The following WIPI1 variants were observed in gnomAD, a reference collection of about 807,000 sequenced individuals.
WIPI1 encodes the protein WD repeat domain phosphoinositide-interacting protein 1.
A neutral mutation model predicts 55.3 loss-of-function variants in WIPI1; 45 were observed. The ratio of observed to expected loss-of-function variants is 0.81; its 90% CI spans 0.64 to 1.04. WIPI1 has a LOEUF of 1.04. Ranked by LOEUF, WIPI1 falls within the 50% of genes least tolerant of loss-of-function variation. WIPI1 has a pLI of 0.00. For missense variants in WIPI1, 445 were observed against 559.0 expected, an observed-to-expected ratio of 0.80 and a Z score of 2.06; for synonymous variants, 195 against 217.6, an observed-to-expected ratio of 0.90 and a Z score of 0.92.
At chr17:68,441,530 C>T (rs899541515) in intron 4 of WIPI1, among the ~76,000 whole-genome samples, 8 of 152,220 alleles carry the variant, frequency 5.3e-5, no homozygotes, top group African/African-American at 1.9e-4. Flanking sequence ...GATAAGGCGA[C>T]TCCTGGCCTC....
intron 2 of WIPI1, 111 bp from the exon 3 acceptor site, chr17:68,451,008 C>A: frequency 7.1e-7 from 1 of 1,416,176 alleles, no homozygotes; most frequent in Non-Finnish European, 9.4e-7. Flanking sequence ...TTCTCCGGGT[C>A]TTGCCGGCCA....
intron 6 of WIPI1, 113 bp from the exon 7 acceptor site, chr17:68,434,739 G>T: frequency 9.6e-7 from 1 of 1,042,458 alleles, no homozygotes; most frequent in Non-Finnish European, 1.4e-6. Flanking sequence ...TGAGGAGGAA[G>T]AACACCACGT....
chr17:68,429,073 G>T, intron 9 of WIPI1, 137 bp from the exon 10 acceptor site: 1 of 650,188 alleles, frequency 1.5e-6, no homozygotes. Context: ...GATCTGGTCT[G>T]GGCTTCTGGC....
At chr17:68,456,270 C>T (rs969940623) in intron 1 of WIPI1, among the ~76,000 whole-genome samples, 10 of 152,198 alleles carry the variant, frequency 6.6e-5, no homozygotes, top group Admixed American at 5.9e-4. Context: ...TGTTTTTAAA[C>T]AGAAACATAA....
chr17:68,429,355 ACTC>A (rs999881115), intron 9 of WIPI1, among the ~76,000 whole-genome samples: 2 of 152,220 alleles, frequency 1.3e-5, no homozygotes, highest in African/African-American at 2.4e-5. Context: ...TTTTGAATAA[ACTC>A]CTTTAAACTT....
chr17:68,436,376 A>G lies in WIPI1; in HGVS notation c.528+6T>C, dbSNP rs996302624. The stretch of plus-strand genomic sequence containing the variant: ...GGTTGGCTCAGCCAGGTCACCGTCA[A>G]CTTACCAGGGAGTTTCCATCATAAA... On this transcript the variant is annotated splice_donor_region_variant and intron_variant, in intron 5 of 12. Transcript: ENST00000262139. 4 of 1,613,414 alleles carry G rather than the reference A, an allele frequency of 2.5e-6. No homozygotes were observed. In the African/African-American group the frequency reaches 5.3e-5, roughly 22 times the overall value.
intron 8 of WIPI1, 137 bp downstream of exon 8, chr17:68,433,331 C>G: frequency 1.2e-6 from 1 of 837,128 alleles, no homozygotes; most frequent in East Asian, 2.6e-5. Context: ...CTAACACACA[C>G]TCCATCACTT....
chr17:68,421,532 A>C lies in WIPI1; in HGVS notation c.*241T>G, dbSNP rs2082772741. On this transcript the variant is annotated 3_prime_UTR_variant, in exon 13 of 13. Coordinates refer to ENST00000262139, the MANE Select transcript of WIPI1 (RefSeq NM_017983.7). The stretch of plus-strand genomic sequence containing the variant: ...AATATGGTTAATTAGCATTTACACT[A>C]TAGTTTGAACGTATTTTAAATAGCA... The C allele has an allele frequency of 1.8e-6, 1 of 544,840 alleles. No individual in the cohort carries two copies. Among genetic ancestry groups the C allele is most frequent in the African/African-American group, 1.9e-5 (1 of 53,144 alleles). 33.8% of individuals were successfully genotyped at this position (544,840 alleles called of 1,614,324 possible).
At chr17:68,433,886 G>A (rs1339178388) in intron 7 of WIPI1, among the ~76,000 whole-genome samples, 1 of 144,698 alleles carries the variant, frequency 6.9e-6, no homozygotes, top group Non-Finnish European at 1.5e-5. Context: ...GGGTTCAAGC[G>A]ATTCTCCTGC....
At chr17:68,455,693 A>G (rs2084630652) in intron 1 of WIPI1, among the ~76,000 whole-genome samples, 1 of 152,258 alleles carries the variant, frequency 6.6e-6, no homozygotes, top group Non-Finnish European at 1.5e-5. Context: ...TAAGGAAATT[A>G]ACTTTCAAAG....
chr17:68,426,794 CA>C (rs1311838891), intron 11 of WIPI1, among the ~76,000 whole-genome samples: 1 of 152,210 alleles, frequency 6.6e-6, no homozygotes, highest in Non-Finnish European at 1.5e-5. Flanking sequence ...CTCAGCCTCC[CA>C]AAGTGCTGGG....
chr17:68,437,743 G>A (rs2083879323), intron 4 of WIPI1, among the ~76,000 whole-genome samples: 1 of 151,990 alleles, frequency 6.6e-6, no homozygotes, highest in South Asian at 2.1e-4. Context: ...TATTCCGGAA[G>A]AGTAAACAGC....
chr17:68,434,473 CTG>C lies in WIPI1; in HGVS notation c.692+81_692+82del, dbSNP rs1407743375. 4 of 1,459,626 alleles carry C rather than the reference CTG, an allele frequency of 2.7e-6. No homozygotes were observed. The African/African-American group carries it at 5.6e-5, about 21-fold the overall frequency. The allele number at this position is 1,459,626 out of a possible 1,614,324, so 90.4% of individuals were successfully genotyped here. ...TGAGTGGAGGGCACAGAGCCACTCTCTGTCCTCTCCCTAGACAGCTGCCAGCG... is the reference window on the plus strand; with the variant it reads ...TGAGTGGAGGGCACAGAGCCACTCTCTCCTCTCCCTAGACAGCTGCCAGCG... On this transcript the variant is annotated intron_variant, in intron 7 of 12. Transcript: ENST00000262139.
chr17:68,430,315 G>A (rs531096820), intron 8 of WIPI1, among the ~76,000 whole-genome samples, 155 bp from the exon 9 acceptor site: 97 of 152,222 alleles, frequency 6.4e-4, no homozygotes, highest in African/African-American at 2.2e-3. Context: ...AATCCAGGAC[G>A]TATTATTCTG....
At chr17:68,429,975 A>G in intron 9 of WIPI1, 21 bp downstream of exon 9, 1 of 1,613,814 alleles carries the variant, frequency 6.2e-7, no homozygotes, top group Non-Finnish European at 8.5e-7. Flanking sequence ...TCTTGTTCAG[A>G]GTGGGTGTCA....
At chr17:68,441,405 A>G in intron 4 of WIPI1, among the ~76,000 whole-genome samples, 1 of 152,218 alleles carries the variant, frequency 6.6e-6, no homozygotes, top group East Asian at 1.9e-4. Context: ...TGTGCTGAAG[A>G]CAATTAGACG....
At chr17:68,430,978 C>T (rs2083484208) in intron 8 of WIPI1, among the ~76,000 whole-genome samples, 2 of 152,126 alleles carry the variant, frequency 1.3e-5, no homozygotes, top group South Asian at 4.1e-4. Context: ...TTGGACAAAC[C>T]TCTCTGGGCC....
At chr17:68,429,544 A>G (rs938930118) in intron 9 of WIPI1, among the ~76,000 whole-genome samples, 1 of 152,200 alleles carries the variant, frequency 6.6e-6, no homozygotes, top group African/African-American at 2.4e-5. Context: ...GAAGTCAGAT[A>G]GGAAAAGCAG....
intron 2 of WIPI1, among the ~76,000 whole-genome samples, chr17:68,452,268 A>G (rs2084527293): frequency 1.3e-5 from 2 of 152,230 alleles, no homozygotes; most frequent in African/African-American, 4.8e-5. Context: ...ATAATGGCAA[A>G]AATAAGTCAC....
Sources: allele counts gnomAD v4.1 joint callset (sites outside exome capture counted in the v4.1 genomes callset), GRCh38; gene constraint gnomAD v4.1.1; transcripts MANE v1.5; gene names NCBI Gene and HGNC (gene_info 2026-07-23, HGNC 2026-07-21).